Variants in ARHGAP10 observed in about 807,000 individuals in gnomAD.
ARHGAP10 encodes the protein rho GTPase-activating protein 10.
ARHGAP10 carries 87 observed loss-of-function variants against 108.6 expected under a neutral mutation model. That is an observed-to-expected ratio of 0.80 (90% CI 0.67 to 0.96). The LOEUF is 0.96. Among genes scored for constraint, ARHGAP10 ranks in the 40% least tolerant of loss-of-function variants. ARHGAP10 has a pLI of 0.00. For synonymous variants in ARHGAP10, 347 were observed against 341.1 expected, an observed-to-expected ratio of 1.02 and a Z score of -0.19; for missense variants, 939 against 954.5, an observed-to-expected ratio of 0.98 and a Z score of 0.21.
intron 1 of ARHGAP10, among the ~76,000 whole-genome samples, chr4:147,814,510 T>C (rs994774607): frequency 1.3e-5 from 2 of 152,198 alleles, no homozygotes; most frequent in African/African-American, 2.4e-5. Flanking sequence ...AATATTTGCT[T>C]TGGGCCCTAA....
At chr4:147,797,638 C>G (rs1241587072) in intron 1 of ARHGAP10, among the ~76,000 whole-genome samples, 1 of 152,142 alleles carries the variant, frequency 6.6e-6, no homozygotes, top group Non-Finnish European at 1.5e-5. Flanking sequence ...ATCTCGATCT[C>G]TTGACCTCGT....
chr4:147,810,315 T>G (rs1308802142), intron 1 of ARHGAP10, among the ~76,000 whole-genome samples: 1 of 152,228 alleles, frequency 6.6e-6, no homozygotes, highest in African/African-American at 2.4e-5. Flanking sequence ...TGTTTACTAG[T>G]GATTTCTATT....
intron 1 of ARHGAP10, among the ~76,000 whole-genome samples, chr4:147,745,912 G>A (rs1728897652): frequency 1.3e-5 from 2 of 151,280 alleles, no homozygotes; most frequent in African/African-American, 4.9e-5. Flanking sequence ...TCAGCCTCCT[G>A]AGTAGCTGGG....
chr4:147,944,835 G>A (rs1343688040), intron 14 of ARHGAP10, among the ~76,000 whole-genome samples: 1 of 151,992 alleles, frequency 6.6e-6, no homozygotes. Context: ...AATATCATTC[G>A]TCGTAACCCA....
intron 7 of ARHGAP10, among the ~76,000 whole-genome samples, chr4:147,872,453 A>C (rs72957736): frequency 6.6e-6 from 1 of 152,144 alleles, no homozygotes; most frequent in African/African-American, 2.4e-5. Flanking sequence ...TAGATAAAGA[A>C]GTAGTGATTG....
chr4:147,792,087 T>C (rs2126747806), intron 1 of ARHGAP10, among the ~76,000 whole-genome samples: 2 of 152,372 alleles, frequency 1.3e-5, no homozygotes, highest in Admixed American at 1.3e-4. Context: ...CACTCCAGGG[T>C]TGTCTTCACC....
intron 1 of ARHGAP10, among the ~76,000 whole-genome samples, chr4:147,752,773 C>T (rs1212928689): frequency 1.3e-5 from 2 of 152,124 alleles, no homozygotes; most frequent in Admixed American, 6.5e-5. Context: ...GTGATCCTCC[C>T]ACCTTGGCCT....
intron 4 of ARHGAP10, among the ~76,000 whole-genome samples, chr4:147,851,901 A>G (rs1733889618): frequency 6.6e-6 from 1 of 152,170 alleles, no homozygotes; most frequent in African/African-American, 2.4e-5. Flanking sequence ...AGGAAGAGTT[A>G]ATTCTTCCTG....
intron 1 of ARHGAP10, among the ~76,000 whole-genome samples, chr4:147,763,538 C>T (rs924297134): frequency 6.6e-6 from 1 of 151,946 alleles, no homozygotes; most frequent in Non-Finnish European, 1.5e-5. Flanking sequence ...TCTCGATCTC[C>T]TGACCTTGTG....
At position 147,732,889 on chromosome 4, in the gene ARHGAP10, T is replaced by C. The variant is rs149889123; in HGVS notation, c.154+434T>C. On this transcript the variant is annotated intron_variant, in intron 1 of 22. Coordinates refer to ENST00000336498, the MANE Select transcript of ARHGAP10 (RefSeq NM_024605.4). ...TTTGTGACTTCTCAAAAGAAATTTC[T>C]TGGGGATTCTTTGAAACCCTGCGGG... 8.8e-3 allele frequency among the ~76,000 whole-genome samples: 1,340 copies of C among 152,348 alleles called. 11 individuals are homozygous for C. Among genetic ancestry groups the C allele is most frequent in the Non-Finnish European group, 0.015 (990 of 68,030 alleles).
intron 1 of ARHGAP10, among the ~76,000 whole-genome samples, chr4:147,810,968 C>T (rs1194319005): frequency 6.6e-6 from 1 of 152,222 alleles, no homozygotes; most frequent in South Asian, 2.1e-4. Flanking sequence ...AGTTTCCCTT[C>T]GGGGACAAGT....
At chr4:148,007,804 GT>G (rs1212826861) in intron 18 of ARHGAP10, among the ~76,000 whole-genome samples, 4 of 152,148 alleles carry the variant, frequency 2.6e-5, no homozygotes, top group Non-Finnish European at 5.9e-5. Flanking sequence ...ACTTGATATG[GT>G]TTTGGAACTT....
rs1261809090 is a variant in ARHGAP10, at chr4:147,784,687, AATAT to A, written c.155-38035_155-38032del. Among the ~76,000 whole-genome samples the A allele has an allele frequency of 5.0e-5, 4 of 80,608 alleles. 1 individual carries two copies. The highest frequency in any genetic ancestry group is 3.6e-4 in the East Asian group (1 of 2,796). The allele number at this position is 80,608 out of a possible 152,430, so 52.9% of individuals were successfully genotyped here. A position where few individuals can be genotyped will look rare whatever the true frequency, so the allele number is the denominator to read the frequency against. The stretch of plus-strand genomic sequence containing the variant: ...TATATATTATATATTATAAATATAA[AATAT>A]ATATTATAAAATATATATTATAAAT... On this transcript the variant is annotated intron_variant, in intron 1 of 22. Transcript: ENST00000336498.
At chr4:147,951,058 T>A (rs368111605) in intron 15 of ARHGAP10, among the ~76,000 whole-genome samples, 3 of 152,190 alleles carry the variant, frequency 2.0e-5, no homozygotes, top group East Asian at 3.9e-4. Flanking sequence ...ATACATTCTG[T>A]ATGGGGAACT....
intron 18 of ARHGAP10, among the ~76,000 whole-genome samples, chr4:148,019,534 G>A (rs1423061683): frequency 1.3e-5 from 2 of 152,000 alleles, no homozygotes; most frequent in Non-Finnish European, 2.9e-5. Flanking sequence ...GACGGATCAC[G>A]AGGTCAGGAG....
chr4:147,901,263 T>C (rs1403996468), intron 10 of ARHGAP10, among the ~76,000 whole-genome samples: 1 of 152,188 alleles, frequency 6.6e-6, no homozygotes, highest in Non-Finnish European at 1.5e-5. Flanking sequence ...CACTAATACT[T>C]TAGAGGCAGG....
intron 18 of ARHGAP10, among the ~76,000 whole-genome samples, chr4:148,017,667 T>TG (rs1741397691): frequency 7.8e-6 from 1 of 127,480 alleles, no homozygotes; most frequent in African/African-American, 3.7e-5. Context: ...TATATATATA[T>TG]ATATATATAT....
intron 19 of ARHGAP10, among the ~76,000 whole-genome samples, chr4:148,035,031 G>T (rs1292726064): frequency 6.6e-6 from 1 of 152,164 alleles, no homozygotes; most frequent in East Asian, 1.9e-4. Flanking sequence ...TTGAATTGCT[G>T]CAGATTTCCA....
At chr4:148,018,370 T>G (rs1342247888) in intron 18 of ARHGAP10, among the ~76,000 whole-genome samples, 1 of 152,160 alleles carries the variant, frequency 6.6e-6, no homozygotes, top group Non-Finnish European at 1.5e-5. Flanking sequence ...ATTATGTTTG[T>G]GTATATATTA....
Sources: allele counts gnomAD v4.1 joint callset (sites outside exome capture counted in the v4.1 genomes callset), GRCh38; gene constraint gnomAD v4.1.1; transcripts MANE v1.5; gene names NCBI Gene and HGNC (gene_info 2026-07-23, HGNC 2026-07-21).